Variants in CFLAR observed in about 807,000 individuals in gnomAD.
CFLAR encodes the protein CASP8 and FADD like apoptosis regulator, also known as CASP8 and FADD-like apoptosis regulator.
In CFLAR, 14 loss-of-function variants were observed where a neutral mutation model predicts 51.1. The ratio of observed to expected loss-of-function variants is 0.27; its 90% CI spans 0.18 to 0.43. The LOEUF (loss-of-function observed/expected upper bound fraction) is 0.43, where lower values mean the gene tolerates loss of function less well. Among genes scored for constraint, CFLAR ranks in the 20% least tolerant of loss-of-function variants. The pLI is 1.00. For missense variants in CFLAR, 390 were observed against 566.5 expected (o/e 0.69, Z 3.16); for synonymous variants, 210 against 211.6 (o/e 0.99, Z 0.06).
In CFLAR at chr2:201,145,716, G is replaced by A. The variant is rs546188398; in HGVS notation, c.661+284G>A. ...CTGAAATGGAATGGAGCTCTAATCA[G>A]GCCATGTTAAACATTGATCCAACCA... On this transcript the variant is annotated intron_variant, in intron 6 of 9. Transcript: ENST00000309955. 1.0e-4 allele frequency: 33 copies of A among 324,238 alleles called. No homozygotes were observed. The Admixed American group carries it at 1.3e-3, about 13-fold the overall frequency. 20.1% of individuals were successfully genotyped at this position (324,238 alleles called of 1,614,324 possible). A position where few individuals can be genotyped will look rare whatever the true frequency, so the allele number is the denominator to read the frequency against.
chr2:201,176,227 T>C lies in CFLAR; in HGVS notation c.*12254T>C, dbSNP rs985956468. 1.0e-4 allele frequency: 14 copies of C among 136,580 alleles called. No homozygotes were observed. Among genetic ancestry groups the C allele is most frequent in the African/African-American group, 3.0e-4 (11 of 36,266 alleles). The allele number at this position is 136,580 out of a possible 1,614,324, so 8.5% of individuals were successfully genotyped here. A position where few individuals can be genotyped will look rare whatever the true frequency, so the allele number is the denominator to read the frequency against. ...GGGATCTTGTGTTACTTTTCCCCAC[T>C]CCTGAGATCTTTTTGAGAAGCTGAT... On this transcript the variant is annotated 3_prime_UTR_variant, in exon 10 of 10. Coordinates refer to ENST00000309955, the MANE Select transcript of CFLAR (RefSeq NM_003879.7).
chr2:201,141,105 G>C (rs1938710189), intron 5 of CFLAR, among the ~76,000 whole-genome samples: 1 of 152,038 alleles, frequency 6.6e-6, no homozygotes, highest in Non-Finnish European at 1.5e-5. Context: ...GGTGGCAGGT[G>C]CCTATAATCC....
In CFLAR at chr2:201,139,762, C is replaced by G. The variant is rs1310175506; in HGVS notation, c.524-595C>G. On this transcript the variant is annotated intron_variant, in intron 4 of 9. Coordinates refer to ENST00000309955, the MANE Select transcript of CFLAR (RefSeq NM_003879.7). ...ACTATTATTCTATGACCCTGCCACA[C>G]CCCCCTCTCCGAGAAACACCTAAAA... is the stretch of plus-strand genomic sequence containing the variant. 2.0e-5 allele frequency: 3 copies of G among 152,798 alleles called. No homozygotes were observed. In the East Asian group the frequency reaches 5.7e-4, roughly 29 times the overall value. 9.5% of individuals were successfully genotyped at this position (152,798 alleles called of 1,614,324 possible). A position where few individuals can be genotyped will look rare whatever the true frequency, so the allele number is the denominator to read the frequency against.
In CFLAR at chr2:201,138,072, A is replaced by T; in HGVS notation, c.523+1965A>T. The stretch of plus-strand genomic sequence containing the variant: ...GGCTATCACTTCCTGGTTGATGTAG[A>T]TGGAGCCGCGCAGTCCATGCCCCTG... On this transcript the variant is annotated intron_variant, in intron 4 of 9. Coordinates refer to ENST00000309955, the MANE Select transcript of CFLAR (RefSeq NM_003879.7). This position sits in a 1 kb window ranked among gnomAD's most constrained non-coding sequence, Gnocchi z 4.0. 1.4e-6 allele frequency: 1 copy of T among 729,472 alleles called. No individual in the cohort carries two copies. Among genetic ancestry groups the T allele is most frequent in the South Asian group, 1.4e-5 (1 of 69,782 alleles). 45.2% of individuals were successfully genotyped at this position (729,472 alleles called of 1,614,324 possible).
At chr2:201,141,216 G>T (rs1575746495) in intron 5 of CFLAR, among the ~76,000 whole-genome samples, 1 of 152,216 alleles carries the variant, frequency 6.6e-6, no homozygotes, top group East Asian at 1.9e-4. Flanking sequence ...GGTGACAAGA[G>T]CAAAACTCTG....
In CFLAR at chr2:201,138,301, C is replaced by T. The variant is rs1185407448; in HGVS notation, c.524-2056C>T. On this transcript the variant is annotated intron_variant, in intron 4 of 9. Coordinates refer to ENST00000309955, the MANE Select transcript of CFLAR (RefSeq NM_003879.7). The surrounding 1 kb of genome is among the most constrained non-coding windows in gnomAD (Gnocchi z 4.0). ...GCAGGTCCAGGTGGTATTTGTCATCCTCATGGGTACCCACAGCTGCCCCGC... is the reference window on the plus strand; with the variant it reads ...GCAGGTCCAGGTGGTATTTGTCATCTTCATGGGTACCCACAGCTGCCCCGC... The T allele has an allele frequency of 1.5e-5, 12 of 778,120 alleles. No individual in the cohort carries two copies. The highest frequency in any genetic ancestry group is 2.6e-5 in the Non-Finnish European group (11 of 422,904). 48.2% of individuals were successfully genotyped at this position (778,120 alleles called of 1,614,324 possible). A position where few individuals can be genotyped will look rare whatever the true frequency, so the allele number is the denominator to read the frequency against.
intron 4 of CFLAR, chr2:201,136,960 G>T (rs867691142): frequency 5.2e-6 from 1 of 193,388 alleles, no homozygotes. Context: ...CATGACCAGG[G>T]CAGCCTCCTC....
Position 201,130,109 on chromosome 2 carries a change from C to T in CFLAR, c.244C>T (p.His82Tyr). ...LKMDRKAVET[H>Y]LLRNPHLVSD... ...GATGGACAGAAAAGCTGTGGAGACC[C>T]ACCTGCTCAGGAACCCTCACCTTGT... Residue 82 changes from histidine to tyrosine, a missense_variant, in exon 2 of 10, where the codon CAC becomes TAC. By Grantham distance (83) the His-to-Tyr change is moderately conservative (BLOSUM62 2). This residue lies in a region of CFLAR where 103 missense variants were observed against 202.9 expected (regional missense o/e 0.51). Coordinates refer to ENST00000309955, the MANE Select transcript of CFLAR (RefSeq NM_003879.7). 4 of 1,607,860 alleles carry T rather than the reference C, an allele frequency of 2.5e-6. No homozygotes were observed. In the South Asian group the frequency reaches 3.3e-5, roughly 13 times the overall value.
chr2:201,135,807 G>A (rs2050031497), intron 3 of CFLAR, among the ~76,000 whole-genome samples, 165 bp from the exon 4 acceptor site: 2 of 151,724 alleles, frequency 1.3e-5, no homozygotes, highest in Admixed American at 6.6e-5. Flanking sequence ...TTTATTTTTT[G>A]TAGAGATGGG....
At chr2:201,160,242 T>TA (rs1351032538) in intron 8 of CFLAR, among the ~76,000 whole-genome samples, 190 bp from the exon 9 acceptor site, 1 of 152,158 alleles carries the variant, frequency 6.6e-6, no homozygotes, top group Non-Finnish European at 1.5e-5. Context: ...TTTAGGGACC[T>TA]AAAATCACAT....
At chr2:201,123,191 A>G (rs1371777936) in intron 1 of CFLAR, among the ~76,000 whole-genome samples, 1 of 151,964 alleles carries the variant, frequency 6.6e-6, no homozygotes, top group East Asian at 1.9e-4. Context: ...ATTCATTCTC[A>G]TTTTCTGCAG....
At chr2:201,161,000 A>G (rs913927127) in intron 9 of CFLAR, 58 bp downstream of exon 9, 5 of 1,257,786 alleles carry the variant, frequency 4.0e-6, no homozygotes, top group Middle Eastern at 2.3e-4. Context: ...TGCCACCAGG[A>G]TGGGAATTAC....
intron 1 of CFLAR, among the ~76,000 whole-genome samples, chr2:201,126,284 G>A (rs971599686): frequency 2.0e-5 from 3 of 152,144 alleles, no homozygotes; most frequent in African/African-American, 7.2e-5. Context: ...ACAGTTCCAG[G>A]TGCAGGGGCT....
In CFLAR at chr2:201,168,060, GT is replaced by G. The variant is rs1378374496; in HGVS notation, c.*4088del. 6.6e-6 allele frequency: 1 copy of G among 152,150 alleles called. No individual in the cohort carries two copies. The highest frequency in any genetic ancestry group is 1.5e-5 in the Non-Finnish European group (1 of 68,046). The allele number at this position is 152,150 out of a possible 1,614,324, so 9.4% of individuals were successfully genotyped here. On this transcript the variant is annotated 3_prime_UTR_variant, in exon 10 of 10. Transcript: ENST00000309955. The stretch of plus-strand genomic sequence containing the variant: ...AGATCAAGACCATCCTGGCTAACAT[GT>G]AAAACCCCGTCTCTACTAAAAATAC...
chr2:201,146,699 G>T (rs779335498), intron 6 of CFLAR: 5 of 152,436 alleles, frequency 3.3e-5, no homozygotes, highest in Non-Finnish European at 7.3e-5. Flanking sequence ...TTGATGGGCT[G>T]TGATGGAGGG....
At position 201,124,488 on chromosome 2, in the gene CFLAR, C is replaced by G. The variant is rs549952383; in HGVS notation, c.-137-5241C>G. 3.0e-4 allele frequency among the ~76,000 whole-genome samples: 46 copies of G among 152,126 alleles called. 1 individual carries two copies. The highest frequency in any genetic ancestry group is 6.2e-4 in the Non-Finnish European group (42 of 68,026). On this transcript the variant is annotated intron_variant, in intron 1 of 9. Coordinates refer to ENST00000309955, the MANE Select transcript of CFLAR (RefSeq NM_003879.7). The surrounding 1 kb of genome is among the most constrained non-coding windows in gnomAD (Gnocchi z 4.7). The stretch of plus-strand genomic sequence containing the variant: ...TAGCTGGGATTACAGACATGCAGCA[C>G]CACGGCCAGCTAGTTTTTGTATTTT...
rs1208650087 is a variant in CFLAR, at chr2:201,165,738, G to C, written c.*1765G>C. On this transcript the variant is annotated 3_prime_UTR_variant, in exon 10 of 10. Coordinates refer to ENST00000309955, the MANE Select transcript of CFLAR (RefSeq NM_003879.7). The stretch of plus-strand genomic sequence containing the variant: ...GCAGAGGACCCTGCGGCCTTCCGCA[G>C]TGTTTGTGTCCCTGGGTACTTGAGA... 6.5e-6 allele frequency: 1 copy of C among 154,034 alleles called. No homozygotes were observed. The highest frequency in any genetic ancestry group is 6.5e-5 in the Admixed American group (1 of 15,310). The allele number at this position is 154,034 out of a possible 1,614,324, so 9.5% of individuals were successfully genotyped here.
intron 2 of CFLAR, among the ~76,000 whole-genome samples, chr2:201,130,617 T>G (rs1198193912): frequency 2.0e-5 from 3 of 152,058 alleles, no homozygotes; most frequent in Non-Finnish European, 4.4e-5. Flanking sequence ...CCACCTGCCT[T>G]GGCTTCCCAA....
intron 6 of CFLAR, among the ~76,000 whole-genome samples, chr2:201,147,492 G>T (rs1940439630): frequency 6.6e-6 from 1 of 151,910 alleles, no homozygotes; most frequent in East Asian, 1.9e-4. Context: ...TCTTGCCACT[G>T]CATTCTAGCC....
Sources: gnomAD v4.1 joint callset for allele counts (sites outside exome capture counted in the v4.1 genomes callset) on GRCh38, gnomAD v4.1.1 for gene constraint, gnomAD v4.1.1 regional missense constraint, Gnocchi (gnomAD v3.1) non-coding constraint, MANE v1.5 for transcripts, NCBI Gene and HGNC (gene_info 2026-07-23, HGNC 2026-07-21) for gene names.